The following SPEN variants were observed in gnomAD, a reference collection of about 807,000 sequenced individuals.
SPEN encodes msx2-interacting protein.
In SPEN, 18 loss-of-function variants were observed where a neutral mutation model predicts 269.9. That is an observed-to-expected ratio of 0.07 (90% CI 0.05 to 0.10). The LOEUF is 0.10. Among genes scored for constraint, SPEN ranks in the 10% least tolerant of loss-of-function variants. The pLI is 1.00. For synonymous variants in SPEN, 1,726 were observed against 1,765.7 expected (o/e 0.98, Z 0.56); for missense variants, 3,822 against 4,631.2 (o/e 0.83, Z 5.07).
rs1321755926 is a variant in SPEN at position 15,848,759 on chromosome 1, C to T, written c.83+609C>T. ...CTCACTGGGAATGGCAAACGTTTCT[C>T]GTTTTTGCGGGGCTGGGTGGAGAGT... On this transcript the variant is annotated intron_variant, in intron 1 of 14. Coordinates refer to ENST00000375759, the MANE Select transcript of SPEN (RefSeq NM_015001.3). The surrounding 1 kb of genome is among the most constrained non-coding windows in gnomAD (Gnocchi z 5.1). Among the ~76,000 whole-genome samples, 1 of 152,138 alleles carries T rather than the reference C, an allele frequency of 6.6e-6. No individual in the cohort carries two copies. The highest frequency in any genetic ancestry group is 1.5e-5 in the Non-Finnish European group (1 of 68,028).
chr1:15,934,772 C>T lies in SPEN; in HGVS notation c.8532C>T (p.Asp2844=). The T allele has an allele frequency of 6.2e-6, 10 of 1,614,168 alleles. No individual in the cohort carries two copies. Among genetic ancestry groups the T allele is most frequent in the Non-Finnish European group, 8.5e-6 (10 of 1,180,030 alleles). The stretch of plus-strand genomic sequence containing the variant: ...AGATCCCCCCGGCCAGTGCAATGGA[C>T]ATTGAATTTCAGCAGTCAGTGTCCA... ...ISQIPPASAM[D]IEFQQSVSKS... is the part of the protein sequence containing the mutation. The change falls in exon 11 of 15, where the codon GAC becomes GAT. Residue 2844 remains aspartate, a synonymous_variant. Transcript: ENST00000375759. The surrounding 1 kb of genome is among the most constrained non-coding windows in gnomAD (Gnocchi z 9.2).
At position 15,940,221 on chromosome 1, in the gene SPEN, T is replaced by G; in HGVS notation, c.*794T>G. 8.6e-6 allele frequency: 2 copies of G among 232,474 alleles called. No individual in the cohort carries two copies. 14.4% of individuals were successfully genotyped at this position (232,474 alleles called of 1,614,324 possible). A position where few individuals can be genotyped will look rare whatever the true frequency, so the allele number is the denominator to read the frequency against. Reference sequence around the variant, plus strand: ...GAAATCTTATTTTCATATTCAGACTTTGTATTGCCCACTCATTTGTATAAG... The same window carrying G: ...GAAATCTTATTTTCATATTCAGACTGTGTATTGCCCACTCATTTGTATAAG... On this transcript the variant is annotated 3_prime_UTR_variant, in exon 15 of 15. Transcript: ENST00000375759.
At chr1:15,898,303 A>G (rs2070862274) in intron 3 of SPEN, among the ~76,000 whole-genome samples, 1 of 151,624 alleles carries the variant, frequency 6.6e-6, no homozygotes, top group Non-Finnish European at 1.5e-5. Context: ...ACCACCATCT[A>G]TCTCCAGAAC....
At chr1:15,865,139 C>T (rs908165518) in intron 1 of SPEN, among the ~76,000 whole-genome samples, 4 of 151,952 alleles carry the variant, frequency 2.6e-5, no homozygotes, top group Admixed American at 6.6e-5. Context: ...GCAACCTCCG[C>T]CTCCTGGGTT....
chr1:15,938,895 T>G lies in SPEN; in HGVS notation c.10863+19T>G, dbSNP rs2071307246. On this transcript the variant is annotated intron_variant, in intron 14 of 14. Coordinates refer to ENST00000375759, the MANE Select transcript of SPEN (RefSeq NM_015001.3). Reference sequence around the variant, plus strand: ...CAATCAGGTCGGTTGTCCTGTGTCCTTCCTTCACATGTACACCCACAGGTG... The same window carrying G: ...CAATCAGGTCGGTTGTCCTGTGTCCGTCCTTCACATGTACACCCACAGGTG... 6.2e-7 allele frequency: 1 copy of G among 1,609,698 alleles called. No individual in the cohort carries two copies. The highest frequency in any genetic ancestry group is 1.3e-5 in the African/African-American group (1 of 74,886).
intron 10 of SPEN, among the ~76,000 whole-genome samples, chr1:15,926,324 C>T (rs1030339106): frequency 6.6e-6 from 1 of 151,738 alleles, no homozygotes; most frequent in African/African-American, 2.4e-5. Flanking sequence ...CGCTTGAACC[C>T]CAGAGGTGGA....
chr1:15,936,388 C>A, intron 11 of SPEN, 122 bp downstream of exon 11: 1 of 1,355,072 alleles, frequency 7.4e-7, no homozygotes, highest in Non-Finnish European at 9.5e-7. Flanking sequence ...TGCCTGTAAT[C>A]CCAGCACTGT....
intron 3 of SPEN, among the ~76,000 whole-genome samples, chr1:15,892,340 A>G (rs1485435182): frequency 6.6e-6 from 1 of 152,102 alleles, no homozygotes; most frequent in African/African-American, 2.4e-5. Flanking sequence ...TTTACTTTTT[A>G]AAATATGACT....
Position 15,876,577 on chromosome 1 carries a change from C to G in SPEN, c.780C>G (p.Ser260Arg). ...ATCAGTCTCCTCAGAGACTGGCTAG[C>G]CAAGCATCTAGACCCACAAGGTCCC... is the stretch of plus-strand genomic sequence containing the variant. ...SRNQSPQRLA[S>R]QASRPTRSPS... The change falls in exon 3 of 15, where the codon AGC becomes AGG. Residue 260 changes from serine to arginine, a missense_variant. Physicochemically the swap from Ser to Arg is moderately radical, Grantham distance 110 (BLOSUM62 -1). Transcript: ENST00000375759. 1 of 1,613,118 alleles carries G rather than the reference C, an allele frequency of 6.2e-7. No homozygotes were observed. Among genetic ancestry groups the G allele is most frequent in the Non-Finnish European group, 8.5e-7 (1 of 1,179,868 alleles).
rs773358525 is a variant in SPEN at position 15,876,334 on chromosome 1, A to G, written c.537A>G (p.Gln179=). 5.0e-6 allele frequency: 8 copies of G among 1,613,916 alleles called. No individual in the cohort carries two copies. The highest frequency in any genetic ancestry group is 6.8e-6 in the Non-Finnish European group (8 of 1,179,974). ...GAGATCCTCGAGAGCGGACTTTACA[A>G]CATGGGCTCTATTACGCTTCTCGGA... ...YYRDPRERTL[Q]HGLYYASRSR... is the part of the protein sequence containing the mutation. The change falls in exon 3 of 15, where the codon CAA becomes CAG. Residue 179 remains glutamine, a synonymous_variant. Coordinates refer to ENST00000375759, the MANE Select transcript of SPEN (RefSeq NM_015001.3).
At chr1:15,906,913 A>G (rs2070962895) in intron 3 of SPEN, among the ~76,000 whole-genome samples, 1 of 150,440 alleles carries the variant, frequency 6.6e-6, no homozygotes, top group Non-Finnish European at 1.5e-5. Flanking sequence ...AGCTGGGATT[A>G]CAGGTACGTG....
chr1:15,925,841 C>G (rs1176415356), intron 10 of SPEN, among the ~76,000 whole-genome samples: 1 of 152,144 alleles, frequency 6.6e-6, no homozygotes, highest in African/African-American at 2.4e-5. Context: ...GTGTCTTACT[C>G]ACTTTATAAT....
In SPEN at chr1:15,939,607, G is replaced by C; in HGVS notation, c.*180G>C. 1 of 631,350 alleles carries C rather than the reference G, an allele frequency of 1.6e-6. No individual in the cohort carries two copies. Among genetic ancestry groups the C allele is most frequent in the South Asian group, 2.8e-5 (1 of 35,114 alleles). 39.1% of individuals were successfully genotyped at this position (631,350 alleles called of 1,614,324 possible). On this transcript the variant is annotated 3_prime_UTR_variant, in exon 15 of 15. Transcript: ENST00000375759. The surrounding 1 kb of genome is among the most constrained non-coding windows in gnomAD (Gnocchi z 4.1). ...CCAGACTTCCTCTAGGAGTGGTGCT[G>C]CTACCTTGTATGTTTACATAATGCT...
intron 3 of SPEN, among the ~76,000 whole-genome samples, chr1:15,904,452 C>CAAAAAAAAAAAAAAAAAA (rs1215369183): frequency 8.4e-4 from 41 of 48,616 alleles, no homozygotes; most frequent in Admixed American, 1.7e-3. Flanking sequence ...AACTCCATCT[C>CAAAAAAAAAAAAAAAAAA]AAAAAAAAAA....
rs1280825744 is a variant in SPEN at position 15,849,436 on chromosome 1, T to C, written c.83+1286T>C. 5.9e-5 allele frequency among the ~76,000 whole-genome samples: 9 copies of C among 152,350 alleles called. No homozygotes were observed. The East Asian group carries it at 1.7e-3, about 29-fold the overall frequency. Reference sequence around the variant, plus strand: ...CATTGATTGTGTTGGTGGTTGCTGTTACTGGGGCATTAAACCCTCGCCGCT... The same window carrying C: ...CATTGATTGTGTTGGTGGTTGCTGTCACTGGGGCATTAAACCCTCGCCGCT... On this transcript the variant is annotated intron_variant, in intron 1 of 14. Coordinates refer to ENST00000375759, the MANE Select transcript of SPEN (RefSeq NM_015001.3).
Position 15,935,377 on chromosome 1 carries a change from C to T in SPEN, c.9137C>T (p.Ala3046Val). The change falls in exon 11 of 15, where the codon GCA becomes GTA. Residue 3046 changes from alanine (A) to valine (V), a missense_variant. Physicochemically the swap from Ala to Val is moderately conservative, Grantham distance 64. Around this residue, in one of 16 missense-constraint regions of SPEN, gnomAD observed 153 missense variants for 228.5 expected, o/e 0.67. Coordinates refer to ENST00000375759, the MANE Select transcript of SPEN (RefSeq NM_015001.3). This position sits in a 1 kb window ranked among gnomAD's most constrained non-coding sequence, Gnocchi z 7.7. ...AGGGCAAGCCACCCCAGCAGTACTG[C>T]ATCTACGGCGCTCTCCACCAACGCC... Reference protein sequence around the residue: ...FPRASHPSSTASTALSTNATV... With the variant: ...FPRASHPSSTVSTALSTNATV... The T allele has an allele frequency of 6.2e-7, 1 of 1,614,140 alleles. No homozygotes were observed. The highest frequency in any genetic ancestry group is 8.5e-7 in the Non-Finnish European group (1 of 1,180,010).
chr1:15,900,597 T>C (rs975466361), intron 3 of SPEN, among the ~76,000 whole-genome samples: 1 of 152,160 alleles, frequency 6.6e-6, no homozygotes, highest in Admixed American at 6.6e-5. Context: ...CTTGAGGAAG[T>C]TTGATTTTCA....
intron 3 of SPEN, among the ~76,000 whole-genome samples, chr1:15,879,256 G>T (rs549328010): frequency 4.3e-4 from 66 of 152,178 alleles, no homozygotes; most frequent in African/African-American, 1.5e-3. Context: ...CAGAAGAATA[G>T]CTTGAGCCCA....
intron 10 of SPEN, among the ~76,000 whole-genome samples, chr1:15,922,578 T>C (rs2071129588): frequency 6.6e-6 from 1 of 152,206 alleles, no homozygotes; most frequent in African/African-American, 2.4e-5. Context: ...TCTCACTGAA[T>C]GCTCCTAGAA....
Sources: gnomAD v4.1 joint callset for allele counts (sites outside exome capture counted in the v4.1 genomes callset) on GRCh38, gnomAD v4.1.1 for gene constraint, gnomAD v4.1.1 regional missense constraint, Gnocchi (gnomAD v3.1) non-coding constraint, MANE v1.5 for transcripts, NCBI Gene and HGNC (gene_info 2026-07-23, HGNC 2026-07-21) for gene names.